Variants in KDM1B observed in about 807,000 individuals in gnomAD.
KDM1B encodes lysine demethylase 1B.
Under a neutral mutation model 107.4 loss-of-function variants are expected in KDM1B, and 63 were observed. That is an observed-to-expected ratio of 0.59 (90% CI 0.48 to 0.72). The LOEUF (loss-of-function observed/expected upper bound fraction) is 0.72. KDM1B is among the 30% of genes least tolerant of loss of function. The pLI, the probability that KDM1B is intolerant of heterozygous loss-of-function variation, is 0.00. For missense variants in KDM1B, 749 were observed against 1,020.8 expected, an observed-to-expected ratio of 0.73 and a Z score of 3.63; for synonymous variants, 363 against 363.9, an observed-to-expected ratio of 1.00 and a Z score of 0.03.
intron 16 of KDM1B, among the ~76,000 whole-genome samples, 198 bp downstream of exon 16, chr6:18,207,727 G>A (rs181552047): frequency 5.3e-5 from 8 of 152,290 alleles, no homozygotes; most frequent in African/African-American, 1.9e-4. Flanking sequence ...AAACCGTAGT[G>A]GCCCCAGTGC....
chr6:18,220,883 T>G (rs1391047994), intron 21 of KDM1B, among the ~76,000 whole-genome samples: 1 of 151,958 alleles, frequency 6.6e-6, no homozygotes, highest in Non-Finnish European at 1.5e-5. Flanking sequence ...GCAATTCTGT[T>G]TCAGCTGGTG....
chr6:18,188,908 C>T (rs145079928), intron 9 of KDM1B, among the ~76,000 whole-genome samples: 3,294 of 151,926 alleles, frequency 0.022, 48 homozygotes, highest in Non-Finnish European at 0.034. Context: ...CTCAGTCTCC[C>T]GAGTAGCTGG....
At chr6:18,196,985 T>G in intron 10 of KDM1B, 72 bp from the exon 11 acceptor site, 1 of 1,352,716 alleles carries the variant, frequency 7.4e-7, no homozygotes, top group Admixed American at 2.0e-5. Context: ...TTAAATGGAT[T>G]GTTTTCCTGC....
At position 18,217,873 on chromosome 6, in the gene KDM1B, T is replaced by C; in HGVS notation, c.2373T>C (p.Phe791=). 6.2e-7 allele frequency: 1 copy of C among 1,611,676 alleles called. No homozygotes were observed. The highest frequency in any genetic ancestry group is 8.5e-7 in the Non-Finnish European group (1 of 1,179,422). Residue 791 remains phenylalanine, a synonymous_variant, in exon 21 of 22, where the codon TTT becomes TTC. Coordinates refer to ENST00000650836, the MANE Select transcript of KDM1B (RefSeq NM_001364614.2). The part of the protein sequence containing the change: ...IIAEDIQGTV[F]FAGEATNRHF... ...CTGAAGACATTCAAGGAACCGTCTT[T>C]TTCGCTGGTGAGGTATGGATCTTGA...
intron 2 of KDM1B, among the ~76,000 whole-genome samples, chr6:18,158,933 T>C (rs1350070716): frequency 6.6e-6 from 1 of 152,200 alleles, no homozygotes; most frequent in Admixed American, 6.5e-5. Context: ...TCTTGATATT[T>C]ATTTGTTGAG....
At chr6:18,173,361 T>G (rs1274489363) in intron 7 of KDM1B, among the ~76,000 whole-genome samples, 1 of 152,052 alleles carries the variant, frequency 6.6e-6, no homozygotes, top group Non-Finnish European at 1.5e-5. Flanking sequence ...TCTGATCAAG[T>G]TTTTTTTAAA....
At chr6:18,174,121 A>G (rs372369224) in intron 7 of KDM1B, among the ~76,000 whole-genome samples, 1 of 152,190 alleles carries the variant, frequency 6.6e-6, no homozygotes, top group African/African-American at 2.4e-5. Flanking sequence ...AATTGGCCGT[A>G]TGTGTGTAAG....
intron 6 of KDM1B, among the ~76,000 whole-genome samples, chr6:18,166,855 A>G (rs1785330538): frequency 6.7e-6 from 1 of 148,564 alleles, no homozygotes; most frequent in African/African-American, 2.5e-5. Flanking sequence ...GGCTGTCTCA[A>G]AAAAAAAAAA....
At chr6:18,202,214 A>G (rs998305188) in intron 14 of KDM1B, among the ~76,000 whole-genome samples, 2 of 149,932 alleles carry the variant, frequency 1.3e-5, no homozygotes, top group Admixed American at 1.3e-4. Context: ...AGCCTGGGCA[A>G]CATAGTGAGC....
rs200446914 is a variant in KDM1B, at chr6:18,191,641, A to G, written c.969+260A>G. 1.3e-5 allele frequency among the ~76,000 whole-genome samples: 2 copies of G among 152,088 alleles called. No homozygotes were observed. The highest frequency in any genetic ancestry group is 3.9e-4 in the East Asian group (2 of 5,192). ...CCAAATACGTCTATAGACATTTCCA[A>G]ATGGGGACAGAATCACCCCTTGTTG... On this transcript the variant is annotated intron_variant, in intron 10 of 21. Coordinates refer to ENST00000650836, the MANE Select transcript of KDM1B (RefSeq NM_001364614.2). The surrounding 1 kb of genome is among the most constrained non-coding windows in gnomAD (Gnocchi z 5.1).
chr6:18,183,446 G>A (rs980693977), intron 7 of KDM1B, among the ~76,000 whole-genome samples: 13 of 151,692 alleles, frequency 8.6e-5, no homozygotes, highest in Non-Finnish European at 1.8e-4. Context: ...TTTTAGTAGA[G>A]ACGGGGTTTC....
chr6:18,213,874 G>A lies in KDM1B; in HGVS notation c.2109+93G>A, dbSNP rs748884465. On this transcript the variant is annotated intron_variant, in intron 19 of 21. Transcript: ENST00000650836. The surrounding 1 kb of genome is among the most constrained non-coding windows in gnomAD (Gnocchi z 5.9). ...TCACCTATCAAGCTCAGGAACTAAC[G>A]AACATCATGGAGACCCTGGGTCTAT... The A allele has an allele frequency of 1.7e-5, 23 of 1,351,322 alleles. No homozygotes were observed. Among genetic ancestry groups the A allele is most frequent in the Non-Finnish European group, 2.3e-5 (22 of 954,038 alleles). The allele number at this position is 1,351,322 out of a possible 1,614,324, so 83.7% of individuals were successfully genotyped here.
At chr6:18,173,871 C>T (rs1053799576) in intron 7 of KDM1B, among the ~76,000 whole-genome samples, 109 of 152,148 alleles carry the variant, frequency 7.2e-4, no homozygotes, top group Middle Eastern at 3.4e-3. Flanking sequence ...CTGCAACCTC[C>T]GCCTCCCGGG....
Position 18,191,474 on chromosome 6 carries a change from C to T in KDM1B, c.969+93C>T. ...TCATCTGGGGATGGAACCTTTTATG[C>T]CAGGGTTTCTCAGCCGTGCCTCTGT... On this transcript the variant is annotated intron_variant, in intron 10 of 21. Coordinates refer to ENST00000650836, the MANE Select transcript of KDM1B (RefSeq NM_001364614.2). The surrounding 1 kb of genome is among the most constrained non-coding windows in gnomAD (Gnocchi z 5.1). 3 of 1,339,304 alleles carry T rather than the reference C, an allele frequency of 2.2e-6. No homozygotes were observed. The highest frequency in any genetic ancestry group is 3.0e-5 in the South Asian group (2 of 66,726). 83.0% of individuals were successfully genotyped at this position (1,339,304 alleles called of 1,614,324 possible).
At position 18,197,175 on chromosome 6, in the gene KDM1B, A is replaced by G; in HGVS notation, c.1088A>G (p.Asn363Ser). The change falls in exon 11 of 22, where the codon AAC becomes AGC. Residue 363 changes from asparagine (N) to serine (S), a missense_variant. Physicochemically the swap from Asn to Ser is conservative, Grantham distance 46. Transcript: ENST00000650836. The surrounding 1 kb of genome is among the most constrained non-coding windows in gnomAD (Gnocchi z 4.5). ...LYFMTRKGLI[N>S]TGVLSVGADQ... ...TTTATGACCAGAAAAGGTCTCATCA[A>G]CACTGGAGTTCTCAGCGTGGGAGCC... 1.9e-6 allele frequency: 3 copies of G among 1,614,084 alleles called. No individual in the cohort carries two copies. The highest frequency in any genetic ancestry group is 1.3e-5 in the African/African-American group (1 of 75,016).
In KDM1B at chr6:18,208,676, G is replaced by T. The variant is rs538792578; in HGVS notation, c.1866+470G>T. 4.0e-3 allele frequency among the ~76,000 whole-genome samples: 394 copies of T among 98,078 alleles called. 2 individuals carry two copies. Among genetic ancestry groups the T allele is most frequent in the African/African-American group, 0.015 (376 of 24,926 alleles). 64.3% of individuals were successfully genotyped at this position (98,078 alleles called of 152,430 possible). On this transcript the variant is annotated intron_variant, in intron 17 of 21. Transcript: ENST00000650836. ...TTTTTTTTTTTTGAGATGGAGTCTC[G>T]TGCTGTCACCCAGGCTGGAGTGCAG...
rs576109602 is a variant in KDM1B at position 18,213,529 on chromosome 6, G to A, written c.1984-127G>A. 4.9e-6 allele frequency: 4 copies of A among 814,460 alleles called. No homozygotes were observed. Among genetic ancestry groups the A allele is most frequent in the African/African-American group, 1.7e-5 (1 of 58,608 alleles). The allele number at this position is 814,460 out of a possible 1,614,324, so 50.5% of individuals were successfully genotyped here. A position where few individuals can be genotyped will look rare whatever the true frequency, so the allele number is the denominator to read the frequency against. On this transcript the variant is annotated intron_variant, in intron 18 of 21. Coordinates refer to ENST00000650836, the MANE Select transcript of KDM1B (RefSeq NM_001364614.2). This position sits in a 1 kb window ranked among gnomAD's most constrained non-coding sequence, Gnocchi z 5.9. ...AGGAGGTGAGGAGAATGGAAAGAGCGGTATTTGGGGTTGTTCTTTCGGGCA... is the reference window on the plus strand; with the variant it reads ...AGGAGGTGAGGAGAATGGAAAGAGCAGTATTTGGGGTTGTTCTTTCGGGCA...
chr6:18,166,029 T>A (rs55801031), intron 5 of KDM1B, among the ~76,000 whole-genome samples: 17,082 of 151,838 alleles, frequency 0.11, 1,097 homozygotes, highest in South Asian at 0.19. Context: ...AAGAAAAAAA[T>A]TTAATTTCTC....
intron 7 of KDM1B, among the ~76,000 whole-genome samples, chr6:18,181,702 C>T (rs1414143560): frequency 1.3e-5 from 2 of 152,104 alleles, no homozygotes; most frequent in East Asian, 1.9e-4. Flanking sequence ...GCCAAGATGG[C>T]ACCACTGCAC....
Sources: gnomAD v4.1 joint callset for allele counts (sites outside exome capture counted in the v4.1 genomes callset) on GRCh38, gnomAD v4.1.1 for gene constraint, Gnocchi (gnomAD v3.1) non-coding constraint, MANE v1.5 for transcripts, NCBI Gene and HGNC (gene_info 2026-07-23, HGNC 2026-07-21) for gene names.